PCSK6: variants seen among roughly 807,000 people sequenced by gnomAD.
The protein encoded by PCSK6 is proprotein convertase subtilisin/kexin type 6.
A neutral mutation model predicts 123.3 loss-of-function variants in PCSK6; 85 were observed. The ratio of observed to expected loss-of-function variants is 0.69; its 90% CI spans 0.58 to 0.83. The LOEUF (loss-of-function observed/expected upper bound fraction) is 0.83, where lower values mean the gene tolerates loss of function less well. Ranked by LOEUF, PCSK6 falls within the 40% of genes least tolerant of loss-of-function variation. PCSK6 has a pLI of 0.00. For missense variants in PCSK6, 1,191 were observed against 1,282.3 expected (o/e 0.93, Z 1.09); for synonymous variants, 508 against 516.0 (o/e 0.98, Z 0.21).
At chr15:101,345,970 G>T (rs915088288) in intron 13 of PCSK6, among the ~76,000 whole-genome samples, 7 of 152,124 alleles carry the variant, frequency 4.6e-5, no homozygotes, top group Non-Finnish European at 7.4e-5. Context: ...GCCAGAAAGG[G>T]CAATTTTCAA....
At chr15:101,374,723 G>A (rs563267980) in intron 11 of PCSK6, among the ~76,000 whole-genome samples, 2 of 152,360 alleles carry the variant, frequency 1.3e-5, no homozygotes, top group East Asian at 3.9e-4. Context: ...GGAATGGCAA[G>A]AGTTAATTGG....
chr15:101,470,016 G>A (rs763125066), intron 1 of PCSK6, among the ~76,000 whole-genome samples: 51 of 152,272 alleles, frequency 3.3e-4, no homozygotes, highest in Middle Eastern at 6.8e-3. Context: ...TTCGGGACTG[G>A]CATTATTGCA....
At chr15:101,375,116 C>T (rs2041696660) in intron 11 of PCSK6, among the ~76,000 whole-genome samples, 1 of 152,116 alleles carries the variant, frequency 6.6e-6, no homozygotes, top group African/African-American at 2.4e-5. Context: ...CCATGCCCGG[C>T]CAATGTTTGT....
At chr15:101,382,235 A>G (rs1439901815) in intron 10 of PCSK6, 26 bp from the exon 11 acceptor site, 1 of 1,531,850 alleles carries the variant, frequency 6.5e-7, no homozygotes, top group Non-Finnish European at 8.9e-7. Flanking sequence ...CTTCAGAGCC[A>G]GGCTCTCCTG....
At chr15:101,444,455 GACTGGATATCAT>G (rs890559827) in intron 1 of PCSK6, among the ~76,000 whole-genome samples, 1 of 152,166 alleles carries the variant, frequency 6.6e-6, no homozygotes, top group African/African-American at 2.4e-5. Context: ...AATCAAGATG[GACTGGATATCAT>G]ACAGACCCTC....
At chr15:101,352,551 TCA>T (rs1273903892) in intron 13 of PCSK6, among the ~76,000 whole-genome samples, 1 of 152,234 alleles carries the variant, frequency 6.6e-6, no homozygotes, top group Non-Finnish European at 1.5e-5. Context: ...ATTCAACACT[TCA>T]GTCTTTTCCC....
At chr15:101,480,566 G>T (rs2057850795) in intron 1 of PCSK6, among the ~76,000 whole-genome samples, 2 of 152,236 alleles carry the variant, frequency 1.3e-5, no homozygotes, top group Non-Finnish European at 2.9e-5. Flanking sequence ...GGACTAGACA[G>T]GGGGCCTTGC....
intron 1 of PCSK6, among the ~76,000 whole-genome samples, chr15:101,481,438 G>A (rs567491938): frequency 1.3e-5 from 2 of 152,186 alleles, no homozygotes; most frequent in South Asian, 2.1e-4. Context: ...AGCCGTTCTG[G>A]GCAGGAAGAA....
At chr15:101,367,537 G>A (rs560898500) in intron 12 of PCSK6, among the ~76,000 whole-genome samples, 1 of 152,312 alleles carries the variant, frequency 6.6e-6, no homozygotes, top group African/African-American at 2.4e-5. Context: ...AATGGCAAAG[G>A]TCAAGGCTGA....
chr15:101,323,504 A>G (rs1384227286), intron 17 of PCSK6, among the ~76,000 whole-genome samples: 2 of 152,160 alleles, frequency 1.3e-5, no homozygotes, highest in Admixed American at 1.3e-4. Flanking sequence ...GCCAAGGCAG[A>G]TGGATCATTT....
In PCSK6 at chr15:101,418,522, T is replaced by A. The variant is rs866846913; in HGVS notation, c.823+9370A>T. Among the ~76,000 whole-genome samples the A allele has an allele frequency of 9.0e-3, 844 of 93,442 alleles. 6 individuals are homozygous for A. Among genetic ancestry groups the A allele is most frequent in the African/African-American group, 0.029 (625 of 21,788 alleles). 61.3% of individuals were successfully genotyped at this position (93,442 alleles called of 152,430 possible). A position where few individuals can be genotyped will look rare whatever the true frequency, so the allele number is the denominator to read the frequency against. On this transcript the variant is annotated intron_variant, in intron 6 of 21. Coordinates refer to ENST00000611716, the MANE Select transcript of PCSK6 (RefSeq NM_002570.5). ...AAAGAAAAAGTTTCCAATTTAGGAT[T>A]TTTTTTTTTTTTTTTTTGAGGCAAA...
At chr15:101,448,996 T>TAC (rs1205306767) in intron 1 of PCSK6, among the ~76,000 whole-genome samples, 1 of 152,204 alleles carries the variant, frequency 6.6e-6, no homozygotes, top group Admixed American at 6.5e-5. Flanking sequence ...CACGTGTATA[T>TAC]ACGTATGCCG....
At chr15:101,347,334 G>A (rs1596210442) in intron 13 of PCSK6, 5 of 1,234,712 alleles carry the variant, frequency 4.0e-6, no homozygotes, top group Non-Finnish European at 5.0e-6. Context: ...GCAATAAAAT[G>A]AGAACAGTTA....
chr15:101,313,015 T>C, intron 20 of PCSK6: 9 of 1,173,122 alleles, frequency 7.7e-6, no homozygotes, highest in Non-Finnish European at 9.6e-6. Context: ...CAAAAAAATT[T>C]TTTTTTAACC....
chr15:101,459,375 C>A (rs1286231982), intron 1 of PCSK6, among the ~76,000 whole-genome samples: 3 of 152,064 alleles, frequency 2.0e-5, no homozygotes, highest in Non-Finnish European at 4.4e-5. Context: ...AGTAATCCTA[C>A]CAGGAAAGGA....
intron 18 of PCSK6, among the ~76,000 whole-genome samples, chr15:101,320,386 T>G (rs2141350647): frequency 6.6e-6 from 1 of 152,338 alleles, no homozygotes; most frequent in South Asian, 2.1e-4. Flanking sequence ...GCGTTCAGCC[T>G]GAGCTATATA....
intron 6 of PCSK6, 49 bp downstream of exon 6, chr15:101,427,843 G>T (rs1283447419): frequency 1.4e-6 from 2 of 1,419,024 alleles, no homozygotes; most frequent in South Asian, 2.5e-5. Context: ...GCTCCCAGCT[G>T]CCCCTGCCCC....
intron 13 of PCSK6, among the ~76,000 whole-genome samples, chr15:101,339,341 A>C (rs1364725572): frequency 6.6e-6 from 1 of 152,224 alleles, no homozygotes; most frequent in Non-Finnish European, 1.5e-5. Flanking sequence ...AGAGCCCTAG[A>C]AAAATCACGT....
chr15:101,364,217 A>G (rs2141447843), intron 13 of PCSK6, among the ~76,000 whole-genome samples: 1 of 152,294 alleles, frequency 6.6e-6, no homozygotes, highest in East Asian at 1.9e-4. Context: ...CTTCACAGAA[A>G]AGGGCACAGG....
Sources: gnomAD v4.1 joint callset for allele counts (sites outside exome capture counted in the v4.1 genomes callset) on GRCh38, gnomAD v4.1.1 for gene constraint, MANE v1.5 for transcripts, NCBI Gene and HGNC (gene_info 2026-07-23, HGNC 2026-07-21) for gene names.